IQCM: variants seen among roughly 807,000 people sequenced by gnomAD.
IQCM encodes the protein IQ domain-containing protein M.
A neutral mutation model predicts 57.6 loss-of-function variants in IQCM; 45 were observed. The ratio of observed to expected loss-of-function variants is 0.78; its 90% CI spans 0.62 to 1.00. The LOEUF is 1.00. Among genes scored for constraint, IQCM ranks in the 50% least tolerant of loss-of-function variants. The pLI, the probability that IQCM is intolerant of heterozygous loss-of-function variation, is 0.00. For synonymous variants in IQCM, 148 were observed against 158.9 expected (o/e 0.93, Z 0.51); for missense variants, 468 against 511.6 (o/e 0.91, Z 0.82).
intron 13 of IQCM, among the ~76,000 whole-genome samples, chr4:149,364,000 C>CCTAAGAATT (rs1729667235): frequency 6.6e-6 from 1 of 152,076 alleles, no homozygotes; most frequent in Non-Finnish European, 1.5e-5. Context: ...TCCAAAATAT[C>CCTAAGAATT]AGACAGAACC....
At chr4:149,521,499 A>G (rs537189948) in intron 12 of IQCM, among the ~76,000 whole-genome samples, 105 of 152,334 alleles carry the variant, frequency 6.9e-4, no homozygotes, top group Non-Finnish European at 1.2e-3. Context: ...CAGTTTAAAT[A>G]TTTGAATCAT....
At position 149,815,701 on chromosome 4, in the gene IQCM, T is replaced by A. The variant is rs1055065799; in HGVS notation, c.-188A>T. 1.3e-5 allele frequency: 2 copies of A among 152,022 alleles called. No individual in the cohort carries two copies. Among genetic ancestry groups the A allele is most frequent in the Non-Finnish European group, 2.9e-5 (2 of 67,912 alleles). 9.4% of individuals were successfully genotyped at this position (152,022 alleles called of 1,614,324 possible). A position where few individuals can be genotyped will look rare whatever the true frequency, so the allele number is the denominator to read the frequency against. ...CAGCATAGAAACCTTGTATTCTTCCTTTATTATTTATCTTTAATTATCCAG... is the reference window on the plus strand; with the variant it reads ...CAGCATAGAAACCTTGTATTCTTCCATTATTATTTATCTTTAATTATCCAG... On this transcript the variant is annotated 5_prime_UTR_variant, in exon 1 of 14. The change creates a new upstream start codon in the 5' untranslated region. Transcript: ENST00000636793.
intron 12 of IQCM, among the ~76,000 whole-genome samples, chr4:149,510,097 G>A (rs779305251): frequency 7.9e-5 from 12 of 151,862 alleles, no homozygotes; most frequent in Admixed American, 1.3e-4. Flanking sequence ...AAATTTCCAC[G>A]TGCAATATAT....
intron 13 of IQCM, among the ~76,000 whole-genome samples, chr4:149,432,557 C>T (rs1734969994): frequency 6.6e-6 from 1 of 151,812 alleles, no homozygotes; most frequent in African/African-American, 2.4e-5. Flanking sequence ...TAGAAGAAAA[C>T]CTTATTACTA....
At chr4:149,721,106 G>A (rs560820803) in intron 5 of IQCM, among the ~76,000 whole-genome samples, 263 of 151,948 alleles carry the variant, frequency 1.7e-3, no homozygotes, top group African/African-American at 5.2e-3. Flanking sequence ...ACTAATGGCA[G>A]GTTGAAAATA....
chr4:149,478,587 T>C (rs1311206340), intron 12 of IQCM, among the ~76,000 whole-genome samples: 2 of 152,152 alleles, frequency 1.3e-5, no homozygotes, highest in Admixed American at 6.6e-5. Flanking sequence ...GCATATTTGA[T>C]ACCTGTAGAG....
In IQCM at chr4:149,368,795, CAT is replaced by C. The variant is rs34345748; in HGVS notation, c.1391-16731_1391-16730del. Among the ~76,000 whole-genome samples the C allele has an allele frequency of 8.1e-3, 691 of 85,230 alleles. 113 individuals carry two copies. Among genetic ancestry groups the C allele is most frequent in the Middle Eastern group, 0.016 (2 of 124 alleles). The allele number at this position is 85,230 out of a possible 152,430, so 55.9% of individuals were successfully genotyped here. On this transcript the variant is annotated intron_variant, in intron 13 of 13. Coordinates refer to ENST00000636793, the MANE Select transcript of IQCM (RefSeq NM_001363507.2). ...ACATATATATACATGTATATATATA[CAT>C]ATATATACATGTATATATATACATA...
chr4:149,480,989 G>C (rs1740715309), intron 12 of IQCM, among the ~76,000 whole-genome samples: 1 of 152,072 alleles, frequency 6.6e-6, no homozygotes, highest in Non-Finnish European at 1.5e-5. Context: ...GTTCTGACTT[G>C]CATTTCTCTG....
At chr4:149,575,868 T>C (rs199703210) in intron 9 of IQCM, among the ~76,000 whole-genome samples, 107 of 642 alleles carry the variant, frequency 0.17, no homozygotes, top group Admixed American at 0.33. Context: ...TCCAGGCGCA[T>C]GATATCATGT....
chr4:149,469,112 G>A (rs1227709569), intron 12 of IQCM, among the ~76,000 whole-genome samples: 1 of 152,188 alleles, frequency 6.6e-6, no homozygotes, highest in East Asian at 1.9e-4. Flanking sequence ...GAACAAAGGT[G>A]GACAGAGAAT....
chr4:149,391,000 T>A (rs1328265786), intron 13 of IQCM, among the ~76,000 whole-genome samples: 1 of 151,874 alleles, frequency 6.6e-6, no homozygotes. Flanking sequence ...GCAGAAGTAA[T>A]CAAAGCAATG....
At chr4:149,520,036 T>G (rs909785356) in intron 12 of IQCM, among the ~76,000 whole-genome samples, 1 of 151,628 alleles carries the variant, frequency 6.6e-6, no homozygotes, top group African/African-American at 2.4e-5. Context: ...AAAACCACTA[T>G]CCTATTTTAT....
intron 2 of IQCM, among the ~76,000 whole-genome samples, chr4:149,770,505 C>T (rs983065902): frequency 3.3e-5 from 5 of 152,016 alleles, no homozygotes; most frequent in East Asian, 1.9e-4. Context: ...AACCTATGGA[C>T]GATATCCTTT....
chr4:149,797,428 T>C lies in IQCM; in HGVS notation c.-49+17883A>G, dbSNP rs1580324669. Among the ~76,000 whole-genome samples the C allele has an allele frequency of 2.0e-5, 3 of 151,914 alleles. No individual in the cohort carries two copies. The South Asian group carries it at 6.2e-4, about 31-fold the overall frequency. ...AAGCATGCCTACAGGATCTAGAAAA[T>C]AGCCTTAAAAGGGCAAATCTAAGAG... On this transcript the variant is annotated intron_variant, in intron 2 of 13. Transcript: ENST00000636793.
chr4:149,613,676 G>A (rs1755514722), intron 8 of IQCM, among the ~76,000 whole-genome samples: 1 of 151,648 alleles, frequency 6.6e-6, no homozygotes, highest in Non-Finnish European at 1.5e-5. Context: ...CCATTAACTC[G>A]TCATTTAACA....
At chr4:149,460,380 T>G (rs1004825715) in intron 12 of IQCM, among the ~76,000 whole-genome samples, 21 of 152,180 alleles carry the variant, frequency 1.4e-4, no homozygotes, top group African/African-American at 5.1e-4. Flanking sequence ...CTTACTCTGT[T>G]GATAGTGTCT....
chr4:149,679,755 T>C (rs903477376), intron 7 of IQCM, among the ~76,000 whole-genome samples: 3 of 151,432 alleles, frequency 2.0e-5, no homozygotes, highest in Admixed American at 1.3e-4. Context: ...ATTTATATAT[T>C]ATCTTGTTAA....
At chr4:149,695,105 G>A (rs1763242643) in intron 5 of IQCM, among the ~76,000 whole-genome samples, 1 of 152,086 alleles carries the variant, frequency 6.6e-6, no homozygotes, top group Non-Finnish European at 1.5e-5. Flanking sequence ...TCTACTGTTG[G>A]AATTTCAAGC....
intron 12 of IQCM, among the ~76,000 whole-genome samples, chr4:149,522,867 T>C (rs1406417954): frequency 6.6e-6 from 1 of 152,200 alleles, no homozygotes; most frequent in African/African-American, 2.4e-5. Context: ...AAAATAGGTA[T>C]ATCCTGGTAA....
Sources: allele counts gnomAD v4.1 joint callset (sites outside exome capture counted in the v4.1 genomes callset), GRCh38; gene constraint gnomAD v4.1.1; transcripts MANE v1.5; gene names NCBI Gene and HGNC (gene_info 2026-07-23, HGNC 2026-07-21).